ELP3: variants seen among roughly 807,000 people sequenced by gnomAD.
ELP3 encodes elongator complex protein 3.
In ELP3, 56 loss-of-function variants were observed where a neutral mutation model predicts 74.9. The observed-to-expected ratio is 0.75, with a 90% CI of 0.60 to 0.93. The LOEUF (loss-of-function observed/expected upper bound fraction) is 0.93. Among genes scored for constraint, ELP3 ranks in the 40% least tolerant of loss-of-function variants. The probability of loss-of-function intolerance (pLI) is 0.00; values close to 1 mark genes in which losing one functional copy is unlikely to be tolerated. For synonymous variants in ELP3, 222 were observed against 239.8 expected (o/e 0.93, Z 0.68); for missense variants, 573 against 686.5 (o/e 0.83, Z 1.85).
At chr8:28,186,184 G>A (rs1815233627) in intron 14 of ELP3, among the ~76,000 whole-genome samples, 1 of 152,108 alleles carries the variant, frequency 6.6e-6, no homozygotes, top group Admixed American at 6.5e-5. Flanking sequence ...GGGAGAGGGG[G>A]AGCAAGTAGG....
intron 1 of ELP3, 68 bp from the exon 2 acceptor site, chr8:28,097,151 C>G: frequency 9.0e-7 from 1 of 1,107,556 alleles, no homozygotes; most frequent in Non-Finnish European, 1.3e-6. Flanking sequence ...AAAACTGCTA[C>G]TAAATCAGAT....
At chr8:28,165,292 A>G (rs1814263527) in intron 14 of ELP3, among the ~76,000 whole-genome samples, 1 of 152,158 alleles carries the variant, frequency 6.6e-6, no homozygotes, top group African/African-American at 2.4e-5. Flanking sequence ...TCTGTGCCAT[A>G]TTAAGAGACT....
In ELP3 at chr8:28,136,179, C is replaced by T. The variant is rs184635607; in HGVS notation, c.907-1519C>T. Among the ~76,000 whole-genome samples, 1,316 of 152,230 alleles carry T rather than the reference C, an allele frequency of 8.6e-3. 21 individuals are homozygous for T. Among genetic ancestry groups the T allele is most frequent in the African/African-American group, 0.03 (1,260 of 41,532 alleles). ...GTTTCACCATGTTAGCCAGGCTGGTCTTGAACTCCTGACCTCAGGTGATCC... is the reference window on the plus strand; with the variant it reads ...GTTTCACCATGTTAGCCAGGCTGGTTTTGAACTCCTGACCTCAGGTGATCC... On this transcript the variant is annotated intron_variant, in intron 9 of 14. Coordinates refer to ENST00000256398, the MANE Select transcript of ELP3 (RefSeq NM_018091.6).
rs376006002 is a variant in ELP3 at position 28,122,110 on chromosome 8, A to AT, written c.618-7383dup. 8.9e-3 allele frequency among the ~76,000 whole-genome samples: 1,345 copies of AT among 151,626 alleles called. 11 individuals carry two copies. The highest frequency in any genetic ancestry group is 0.021 in the African/African-American group (850 of 41,320). ...TTATTTGGTAATATGGATCATTTTG[A>AT]TTTTTTTTTAACATTAAACCTCACA... On this transcript the variant is annotated intron_variant, in intron 7 of 14. Coordinates refer to ENST00000256398, the MANE Select transcript of ELP3 (RefSeq NM_018091.6).
At chr8:28,173,886 T>C (rs575003747) in intron 14 of ELP3, among the ~76,000 whole-genome samples, 105 of 152,154 alleles carry the variant, frequency 6.9e-4, no homozygotes, top group Middle Eastern at 6.8e-3. Context: ...AATGTGTTAA[T>C]TTCTGCATAC....
chr8:28,090,482 G>GGTGTGTGTGTGTGT (rs34145175), upstream of ELP3: 207 of 160,290 alleles, frequency 1.3e-3, 1 homozygote, highest in East Asian at 6.1e-3. Context: ...CTGATGGGTG[G>GGTGTGTGTGTGTGT]GTGTGTGTGT....
At chr8:28,125,004 A>G (rs1242875832) in intron 7 of ELP3, among the ~76,000 whole-genome samples, 1 of 152,212 alleles carries the variant, frequency 6.6e-6, no homozygotes, top group Non-Finnish European at 1.5e-5. Context: ...AAGCACATCA[A>G]ACATCCAACT....
upstream of ELP3, chr8:28,092,995 G>A (rs1440870562): frequency 7.1e-6 from 5 of 704,522 alleles, no homozygotes; most frequent in Non-Finnish European, 1.2e-5. Context: ...ACCCGGGGCA[G>A]GATCGCAGCC....
Position 28,158,594 on chromosome 8 carries a change from T to C in ELP3, c.1218T>C (p.Val406=). 6.2e-7 allele frequency: 1 copy of C among 1,613,458 alleles called. No individual in the cohort carries two copies. The highest frequency in any genetic ancestry group is 8.5e-7 in the Non-Finnish European group (1 of 1,179,880). Residue 406 remains valine (V), a synonymous_variant, in exon 12 of 15, where the codon GTT becomes GTC. Coordinates refer to ENST00000256398, the MANE Select transcript of ELP3 (RefSeq NM_018091.6). Reference sequence around the variant, plus strand: ...GTCGAGATGTGAGAACCAGAGAAGTTGGAATCCAAGAAATTCATCACAAAG... The same window carrying C: ...GTCGAGATGTGAGAACCAGAGAAGTCGGAATCCAAGAAATTCATCACAAAG... ...IQCRDVRTRE[V]GIQEIHHKVR...
chr8:28,110,337 CA>C (rs1177498753), intron 5 of ELP3, 32 bp from the exon 6 acceptor site: 1 of 1,570,392 alleles, frequency 6.4e-7, no homozygotes, highest in South Asian at 1.1e-5. Context: ...AGTTTTAATT[CA>C]ATGTGGGCAT....
chr8:28,129,913 A>T (rs1812728305), intron 8 of ELP3, among the ~76,000 whole-genome samples: 1 of 152,092 alleles, frequency 6.6e-6, no homozygotes, highest in African/African-American at 2.4e-5. Context: ...TTCTTGTCCT[A>T]AGCAGCCTTG....
chr8:28,184,333 G>A (rs1234964751), intron 14 of ELP3, among the ~76,000 whole-genome samples: 6 of 152,096 alleles, frequency 3.9e-5, no homozygotes, highest in Admixed American at 1.3e-4. Context: ...GGCCTGCTGC[G>A]TCTTATTGAA....
intron 3 of ELP3, among the ~76,000 whole-genome samples, chr8:28,105,650 T>C (rs1811659184): frequency 6.6e-6 from 1 of 152,258 alleles, no homozygotes; most frequent in South Asian, 2.1e-4. Flanking sequence ...TTTCCATTTG[T>C]ATTTATTTAT....
intron 10 of ELP3, among the ~76,000 whole-genome samples, chr8:28,145,811 A>T (rs1167821524): frequency 6.6e-6 from 1 of 152,084 alleles, no homozygotes; most frequent in Admixed American, 6.5e-5. Flanking sequence ...TTTAGTAGAG[A>T]CGGGGTTTCG....
At chr8:28,179,693 G>A (rs1048740939) in intron 14 of ELP3, among the ~76,000 whole-genome samples, 30 of 152,138 alleles carry the variant, frequency 2.0e-4, no homozygotes, top group African/African-American at 7.2e-4. Flanking sequence ...AGATCATCAG[G>A]CATTAGATTC....
rs1299873520 is a variant in ELP3 at position 28,164,437 on chromosome 8, G to A, written c.1567+2359G>A. Reference sequence around the variant, plus strand: ...GAACCTTTCTCTTGTCAGCTGGTATGATAGGTCTACTTCATTTCTATACAA... The same window carrying A: ...GAACCTTTCTCTTGTCAGCTGGTATAATAGGTCTACTTCATTTCTATACAA... On this transcript the variant is annotated intron_variant, in intron 14 of 14. Transcript: ENST00000256398. Among the ~76,000 whole-genome samples, 4 of 152,204 alleles carry A rather than the reference G, an allele frequency of 2.6e-5. No homozygotes were observed. The East Asian group carries it at 7.7e-4, about 29-fold the overall frequency.
At chr8:28,130,579 C>T (rs143723402) in intron 8 of ELP3, among the ~76,000 whole-genome samples, 5 of 152,204 alleles carry the variant, frequency 3.3e-5, no homozygotes, top group African/African-American at 7.2e-5. Flanking sequence ...AAAGAGTAAC[C>T]GAATAGGATG....
chr8:28,106,861 C>T, intron 4 of ELP3, 78 bp downstream of exon 4: 2 of 1,053,034 alleles, frequency 1.9e-6, no homozygotes, highest in Admixed American at 1.9e-5. Context: ...TTAGTCAGTA[C>T]ATCCTGGTAA....
At chr8:28,097,797 A>G (rs1300084003) in intron 2 of ELP3, among the ~76,000 whole-genome samples, 3 of 152,154 alleles carry the variant, frequency 2.0e-5, no homozygotes, top group African/African-American at 7.2e-5. Flanking sequence ...TTGCTAATGC[A>G]TTGTATGTAT....
Sources: allele counts gnomAD v4.1 joint callset (sites outside exome capture counted in the v4.1 genomes callset), GRCh38; gene constraint gnomAD v4.1.1; transcripts MANE v1.5; gene names NCBI Gene and HGNC (gene_info 2026-07-23, HGNC 2026-07-21).